PSMB7: variants seen among roughly 807,000 people sequenced by gnomAD.
PSMB7 encodes proteasome subunit beta type-7.
A neutral mutation model predicts 28.1 loss-of-function variants in PSMB7; 5 were observed. That is an observed-to-expected ratio of 0.18 (90% CI 0.09 to 0.37). The LOEUF is 0.37. Among genes scored for constraint, PSMB7 ranks in the 10% least tolerant of loss-of-function variants. The pLI is 1.00. For synonymous variants in PSMB7, 122 were observed against 123.7 expected (o/e 0.99, Z 0.09); for missense variants, 275 against 346.2 (o/e 0.79, Z 1.63).
chr9:124,396,431 C>T (rs552791747), intron 5 of PSMB7, among the ~76,000 whole-genome samples: 2 of 152,314 alleles, frequency 1.3e-5, no homozygotes, highest in East Asian at 3.9e-4. Flanking sequence ...TTCTTCTGCC[C>T]ACAAGGTGAG....
At chr9:124,367,923 C>T (rs1830523141) in intron 6 of PSMB7, among the ~76,000 whole-genome samples, 1 of 152,174 alleles carries the variant, frequency 6.6e-6, no homozygotes, top group African/African-American at 2.4e-5. Flanking sequence ...GCAACTGATA[C>T]GAACTTAGTA....
At chr9:124,364,538 AAAAG>A (rs1316007398) in intron 6 of PSMB7, among the ~76,000 whole-genome samples, 2 of 151,992 alleles carry the variant, frequency 1.3e-5, no homozygotes, top group African/African-American at 2.4e-5. Flanking sequence ...AAAAAAAAAA[AAAAG>A]AAAGCCTGGG....
intron 5 of PSMB7, among the ~76,000 whole-genome samples, chr9:124,393,552 C>T (rs1830810963): frequency 6.6e-6 from 1 of 152,196 alleles, no homozygotes; most frequent in South Asian, 2.1e-4. Flanking sequence ...ATTTGTAAGG[C>T]ATCCAACAAT....
chr9:124,379,807 G>C (rs1194228472), intron 6 of PSMB7, among the ~76,000 whole-genome samples: 1 of 152,192 alleles, frequency 6.6e-6, no homozygotes, highest in Non-Finnish European at 1.5e-5. Flanking sequence ...ATCGTCCTCT[G>C]TTACCTTGAA....
At chr9:124,397,431 G>A (rs917311225) in intron 5 of PSMB7, among the ~76,000 whole-genome samples, 1 of 152,186 alleles carries the variant, frequency 6.6e-6, no homozygotes, top group East Asian at 1.9e-4. Context: ...TGGACCCAGC[G>A]CTCAATGCAG....
At chr9:124,386,135 T>A (rs1830716395) in intron 5 of PSMB7, among the ~76,000 whole-genome samples, 1 of 150,798 alleles carries the variant, frequency 6.6e-6, no homozygotes, top group Admixed American at 6.6e-5. Context: ...TCCTCACAAT[T>A]TTTTTCTCCT....
At chr9:124,366,249 C>G (rs943818314) in intron 6 of PSMB7, among the ~76,000 whole-genome samples, 2 of 152,118 alleles carry the variant, frequency 1.3e-5, no homozygotes, top group East Asian at 3.9e-4. Context: ...CCCATCTCTA[C>G]TAAAAATACA....
At chr9:124,393,378 T>C (rs1034471621) in intron 5 of PSMB7, among the ~76,000 whole-genome samples, 3 of 152,214 alleles carry the variant, frequency 2.0e-5, no homozygotes, top group Admixed American at 2.0e-4. Flanking sequence ...CATAAACAGT[T>C]TAATTTGATG....
intron 5 of PSMB7, among the ~76,000 whole-genome samples, chr9:124,389,596 C>A (rs1379409096): frequency 6.6e-6 from 1 of 152,062 alleles, no homozygotes; most frequent in East Asian, 1.9e-4. Flanking sequence ...AGAAGCCGGG[C>A]TGTGGAGAGA....
chr9:124,397,449 G>A lies in PSMB7; in HGVS notation c.511+7868C>T, dbSNP rs145532336. Among the ~76,000 whole-genome samples the A allele has an allele frequency of 1.6e-3, 242 of 152,298 alleles. 1 individual carries two copies. Among genetic ancestry groups the A allele is most frequent in the African/African-American group, 5.6e-3 (231 of 41,564 alleles). On this transcript the variant is annotated intron_variant, in intron 5 of 7. Coordinates refer to ENST00000259457, the MANE Select transcript of PSMB7 (RefSeq NM_002799.4). ...ACCCAGCGCTCAATGCAGATCAGCTGTGCCTCAAGTTAAAGATGCGCAAGA... is the reference window on the plus strand; with the variant it reads ...ACCCAGCGCTCAATGCAGATCAGCTATGCCTCAAGTTAAAGATGCGCAAGA...
chr9:124,403,625 G>T (rs534840916), intron 5 of PSMB7, among the ~76,000 whole-genome samples: 1 of 152,206 alleles, frequency 6.6e-6, no homozygotes, highest in East Asian at 1.9e-4. Context: ...CTATTTACAG[G>T]CCAGGCATTG....
intron 5 of PSMB7, among the ~76,000 whole-genome samples, chr9:124,401,041 T>C (rs745615759): frequency 1.3e-5 from 2 of 152,170 alleles, no homozygotes; most frequent in Admixed American, 6.5e-5. Flanking sequence ...ATGAGCTCAT[T>C]TGTGTGTTTT....
chr9:124,388,166 T>C (rs1265302257), intron 5 of PSMB7, among the ~76,000 whole-genome samples: 1 of 152,240 alleles, frequency 6.6e-6, no homozygotes, highest in African/African-American at 2.4e-5. Flanking sequence ...CGAAAATCTT[T>C]TGAAGGATCA....
At chr9:124,377,064 T>C (rs1326215218) in intron 6 of PSMB7, among the ~76,000 whole-genome samples, 1 of 152,204 alleles carries the variant, frequency 6.6e-6, no homozygotes, top group Non-Finnish European at 1.5e-5. Flanking sequence ...AATAATCACA[T>C]TACTCGTTGC....
At chr9:124,412,612 C>A in intron 3 of PSMB7, 120 bp from the exon 4 acceptor site, 2 of 1,003,332 alleles carry the variant, frequency 2.0e-6, no homozygotes, top group South Asian at 3.5e-5. Context: ...TTGAGTATAT[C>A]TATGCTGTAA....
chr9:124,396,163 G>GA (rs1256310614), intron 5 of PSMB7, among the ~76,000 whole-genome samples: 1 of 152,134 alleles, frequency 6.6e-6, no homozygotes, highest in African/African-American at 2.4e-5. Context: ...GAATATAGAC[G>GA]AAACATTTGC....
intron 6 of PSMB7, among the ~76,000 whole-genome samples, chr9:124,377,173 T>C (rs986748010): frequency 6.6e-6 from 1 of 152,202 alleles, no homozygotes; most frequent in African/African-American, 2.4e-5. Flanking sequence ...TAAGGTGTTT[T>C]TACAGGCCGC....
At chr9:124,395,683 C>T (rs1464434789) in intron 5 of PSMB7, among the ~76,000 whole-genome samples, 1 of 152,052 alleles carries the variant, frequency 6.6e-6, no homozygotes, top group Non-Finnish European at 1.5e-5. Context: ...CCCCAATAAC[C>T]CTGTGACCTT....
At chr9:124,384,247 A>G in intron 6 of PSMB7, 1 of 225,716 alleles carries the variant, frequency 4.4e-6, no homozygotes, top group Non-Finnish European at 8.5e-6. Context: ...TTCTGTTCTT[A>G]GTAAGAACAG....
Sources: gnomAD v4.1 joint callset for allele counts (sites outside exome capture counted in the v4.1 genomes callset) on GRCh38, gnomAD v4.1.1 for gene constraint, MANE v1.5 for transcripts, NCBI Gene and HGNC (gene_info 2026-07-23, HGNC 2026-07-21) for gene names.